Variants in PCDHGA7 observed in about 807,000 individuals in gnomAD.
The protein encoded by PCDHGA7 is protocadherin gamma-A7.
Under a neutral mutation model 58.3 loss-of-function variants are expected in PCDHGA7, and 44 were observed. The ratio of observed to expected loss-of-function variants is 0.75; its 90% CI spans 0.59 to 0.97. The LOEUF (loss-of-function observed/expected upper bound fraction) is 0.97. Ranked by LOEUF, PCDHGA7 falls within the 50% of genes least tolerant of loss-of-function variation. The pLI is 0.00. For synonymous variants in PCDHGA7, 516 were observed against 504.2 expected, an observed-to-expected ratio of 1.02 and a Z score of -0.31; for missense variants, 1,266 against 1,188.7, an observed-to-expected ratio of 1.06 and a Z score of -0.96.
chr5:141,409,541 G>C lies in PCDHGA7; in HGVS notation c.2424+24218G>C, dbSNP rs1485327824. ...CACCTTGTATGTCGCTGACATCAAC[G>C]ACAACGCCCCAGTTTTCGACCAGAC... On this transcript the variant is annotated intron_variant, in intron 1 of 3. Coordinates refer to ENST00000518325, the MANE Select transcript of PCDHGA7 (RefSeq NM_018920.4). 16 of 1,613,852 alleles carry C rather than the reference G, an allele frequency of 9.9e-6. No homozygotes were observed. Among genetic ancestry groups the C allele is most frequent in the Admixed American group, 1.7e-5 (1 of 60,016 alleles).
chr5:141,414,710 A>C (rs1253697066), intron 1 of PCDHGA7: 4 of 1,613,836 alleles, frequency 2.5e-6, no homozygotes, highest in African/African-American at 1.3e-5. Flanking sequence ...ATATCCATCA[A>C]CTCAGACACT....
chr5:141,392,542 A>C (rs2092551305), intron 1 of PCDHGA7: 1 of 323,320 alleles, frequency 3.1e-6, no homozygotes, highest in African/African-American at 2.1e-5. Flanking sequence ...ATTTAGAAGT[A>C]ATCTGTATCT....
Position 141,388,955 on chromosome 5 carries a change from C to T in PCDHGA7, c.2424+3632C>T, listed in dbSNP as rs183330174. ...CTCTACCCAACCTAATTATGGAGGA[C>T]GCCGAGCTGGGAACACATATTGCTT... On this transcript the variant is annotated intron_variant, in intron 1 of 3. Transcript: ENST00000518325. 126 of 1,613,914 alleles carry T rather than the reference C, an allele frequency of 7.8e-5. 1 individual carries two copies. In the African/African-American group the frequency reaches 1.3e-3, roughly 17 times the overall value.
At position 141,408,901 on chromosome 5, in the gene PCDHGA7, G is replaced by A. The variant is rs529239605; in HGVS notation, c.2424+23578G>A. On this transcript the variant is annotated intron_variant, in intron 1 of 3. Transcript: ENST00000518325. ...CCGCTCACATAGAAATTTCTGTCAA[G>A]GATACCAATGATAACCCCCCGGTTT... 269 of 1,613,216 alleles carry A rather than the reference G, an allele frequency of 1.7e-4. 6 individuals carry two copies. The South Asian group carries it at 2.8e-3, about 17-fold the overall frequency.
intron 1 of PCDHGA7, chr5:141,414,885 C>T: frequency 6.2e-7 from 1 of 1,614,224 alleles, no homozygotes; most frequent in South Asian, 1.1e-5. Context: ...TGTACCCCGC[C>T]CTCCCCACAG....
chr5:141,415,277 T>A lies in PCDHGA7; in HGVS notation c.2424+29954T>A, dbSNP rs533281226. 42 of 1,614,216 alleles carry A rather than the reference T, an allele frequency of 2.6e-5. No individual in the cohort carries two copies. In the South Asian group the frequency reaches 4.4e-4, roughly 17 times the overall value. On this transcript the variant is annotated intron_variant, in intron 1 of 3. Coordinates refer to ENST00000518325, the MANE Select transcript of PCDHGA7 (RefSeq NM_018920.4). Reference sequence around the variant, plus strand: ...CTCACTCTGTACCTGGTGGTAGCGGTGGCCGCGGTCTCCTGCGTCTTCCTG... The same window carrying A: ...CTCACTCTGTACCTGGTGGTAGCGGAGGCCGCGGTCTCCTGCGTCTTCCTG...
At chr5:141,488,208 C>T (rs2099672939) in intron 1 of PCDHGA7, among the ~76,000 whole-genome samples, 1 of 152,152 alleles carries the variant, frequency 6.6e-6, no homozygotes, top group African/African-American at 2.4e-5. Flanking sequence ...GGACTCATAT[C>T]AAGTCCCTAC....
chr5:141,390,104 C>T, intron 1 of PCDHGA7: 1 of 1,614,070 alleles, frequency 6.2e-7, no homozygotes, highest in East Asian at 2.2e-5. Context: ...TTCCCCCCAA[C>T]TACAGCGAGG....
At position 141,476,746 on chromosome 5, in the gene PCDHGA7, C is replaced by A; in HGVS notation, c.2425-18061C>A. 1 of 1,614,068 alleles carries A rather than the reference C, an allele frequency of 6.2e-7. No homozygotes were observed. On this transcript the variant is annotated intron_variant, in intron 1 of 3. Transcript: ENST00000518325. The surrounding 1 kb of genome is among the most constrained non-coding windows in gnomAD (Gnocchi z 7.6). ...TGGACCGAGAACGGGAGCCTAGTCT[C>A]CAGTTAGTGCTGACGGCGTTGGACG...
Position 141,431,222 on chromosome 5 carries a change from C to A in PCDHGA7, c.2424+45899C>A. On this transcript the variant is annotated intron_variant, in intron 1 of 3. Transcript: ENST00000518325. The surrounding 1 kb of genome is among the most constrained non-coding windows in gnomAD (Gnocchi z 4.8). ...AGCCACTGAGATGCGGTTCCCTCTA[C>A]CCCACGCCTGGGATCCGGATATCGG... 3 of 1,614,170 alleles carry A rather than the reference C, an allele frequency of 1.9e-6. No individual in the cohort carries two copies. The highest frequency in any genetic ancestry group is 2.5e-6 in the Non-Finnish European group (3 of 1,180,034).
chr5:141,428,224 G>T, intron 1 of PCDHGA7: 1 of 1,164,316 alleles, frequency 8.6e-7, no homozygotes, highest in Non-Finnish European at 1.3e-6. Context: ...AGTCTTCGCA[G>T]ACAGCCTGCA....
rs1327610213 is a variant in PCDHGA7 at position 141,423,493 on chromosome 5, C to T, written c.2424+38170C>T. 5 of 1,613,984 alleles carry T rather than the reference C, an allele frequency of 3.1e-6. No homozygotes were observed. In the South Asian group the frequency reaches 5.5e-5, roughly 18 times the overall value. On this transcript the variant is annotated intron_variant, in intron 1 of 3. Coordinates refer to ENST00000518325, the MANE Select transcript of PCDHGA7 (RefSeq NM_018920.4). The stretch of plus-strand genomic sequence containing the variant: ...ACAGGCTTTCCTGCAAACCTATTCC[C>T]ACGAGGTCTCTCTCATTGCGGACTC...
Position 141,477,872 on chromosome 5 carries a change from G to A in PCDHGA7, c.2425-16935G>A. The stretch of plus-strand genomic sequence containing the variant: ...GGAGATGCTGCCTCGAGGTACCTCA[G>A]CTGGCCACCTAGTGTCACGGGTGGT... On this transcript the variant is annotated intron_variant, in intron 1 of 3. Coordinates refer to ENST00000518325, the MANE Select transcript of PCDHGA7 (RefSeq NM_018920.4). This position sits in a 1 kb window ranked among gnomAD's most constrained non-coding sequence, Gnocchi z 4.9. The A allele has an allele frequency of 6.2e-7, 1 of 1,614,180 alleles. No individual in the cohort carries two copies. Among genetic ancestry groups the A allele is most frequent in the African/African-American group, 1.3e-5 (1 of 75,058 alleles).
chr5:141,466,068 G>C (rs1278308918), intron 1 of PCDHGA7, among the ~76,000 whole-genome samples: 4 of 152,080 alleles, frequency 2.6e-5, no homozygotes, highest in Admixed American at 2.6e-4. Flanking sequence ...CTTGCAGTGA[G>C]CTGATATCAT....
In PCDHGA7 at chr5:141,394,564, G is replaced by C. The variant is rs200338108; in HGVS notation, c.2424+9241G>C. 4.7e-3 allele frequency: 7,544 copies of C among 1,612,816 alleles called. 48 individuals carry two copies. The highest frequency in any genetic ancestry group is 9.5e-3 in the Admixed American group (568 of 59,990). On this transcript the variant is annotated intron_variant, in intron 1 of 3. Transcript: ENST00000518325. Reference sequence around the variant, plus strand: ...GAGCTGGCGCCCCGCTCCGCAGAGCGTGGCTACCTGGTGACCAAGGTGGTG... The same window carrying C: ...GAGCTGGCGCCCCGCTCCGCAGAGCCTGGCTACCTGGTGACCAAGGTGGTG...
chr5:141,417,507 A>G (rs573832786), intron 1 of PCDHGA7: 1 of 234,942 alleles, frequency 4.3e-6, no homozygotes, highest in Non-Finnish European at 8.1e-6. Context: ...AAAGATTAAA[A>G]TATTTTGGCT....
chr5:141,423,539 T>C (rs747825176), intron 1 of PCDHGA7: 10 of 1,613,140 alleles, frequency 6.2e-6, no homozygotes, highest in Non-Finnish European at 8.5e-6. Flanking sequence ...CACCTGATTT[T>C]CCCCCAGCCC....
chr5:141,390,003 C>A, intron 1 of PCDHGA7: 1 of 1,614,056 alleles, frequency 6.2e-7, no homozygotes, highest in Non-Finnish European at 8.5e-7. Flanking sequence ...GGCCATGATT[C>A]TGGCCATTGC....
intron 1 of PCDHGA7, chr5:141,395,911 T>C (rs964928270): frequency 2.6e-5 from 4 of 152,144 alleles, no homozygotes; most frequent in African/African-American, 9.7e-5. Flanking sequence ...CATGGAGACA[T>C]GAAATCTAAA....
Sources: allele counts gnomAD v4.1 joint callset (sites outside exome capture counted in the v4.1 genomes callset), GRCh38; gene constraint gnomAD v4.1.1; non-coding constraint Gnocchi (gnomAD v3.1); transcripts MANE v1.5; gene names NCBI Gene and HGNC (gene_info 2026-07-23, HGNC 2026-07-21).